The following RYR2 variants were observed in gnomAD, a reference collection of about 807,000 sequenced individuals.
RYR2 encodes the protein ryanodine receptor 2.
RYR2 carries 227 observed loss-of-function variants against 601.1 expected under a neutral mutation model. The observed-to-expected ratio is 0.38, with a 90% CI of 0.34 to 0.42. The LOEUF (loss-of-function observed/expected upper bound fraction) is 0.42, where lower values mean the gene tolerates loss of function less well. Ranked by LOEUF, RYR2 falls within the 10% of genes least tolerant of loss-of-function variation. The probability of loss-of-function intolerance (pLI) is 1.00; values close to 1 mark genes in which losing one functional copy is unlikely to be tolerated. For missense variants in RYR2, 4,646 were observed against 6,156.5 expected, an observed-to-expected ratio of 0.75 and a Z score of 8.21; for synonymous variants, 2,223 against 2,175.1, an observed-to-expected ratio of 1.02 and a Z score of -0.61.
intron 24 of RYR2, among the ~76,000 whole-genome samples, chr1:237,517,718 C>G (rs566178864): frequency 6.6e-6 from 1 of 152,088 alleles, no homozygotes; most frequent in African/African-American, 2.4e-5. Flanking sequence ...TTTTCTTATG[C>G]CCCCTGTTTC....
chr1:237,408,956 CT>C (rs899812021), intron 10 of RYR2, among the ~76,000 whole-genome samples: 11 of 151,890 alleles, frequency 7.2e-5, no homozygotes, highest in Non-Finnish European at 1.5e-5. Flanking sequence ...AATATTTTTA[CT>C]TTAAATACGT....
At chr1:237,110,856 C>T (rs2148585872) in intron 1 of RYR2, among the ~76,000 whole-genome samples, 1 of 152,286 alleles carries the variant, frequency 6.6e-6, no homozygotes, top group African/African-American at 2.4e-5. Flanking sequence ...TTCTGGGGGA[C>T]CAGCCACTTT....
At chr1:237,500,246 A>G (rs765557610) in intron 20 of RYR2, among the ~76,000 whole-genome samples, 7 of 152,222 alleles carry the variant, frequency 4.6e-5, no homozygotes, top group Non-Finnish European at 1.0e-4. Context: ...AGACTCTGTT[A>G]CTTGTAAAAC....
Position 237,454,448 on chromosome 1 carries a change from G to A in RYR2, c.1350G>A (p.Glu450=), listed in dbSNP as rs1343293420. Residue 450 remains glutamate, a synonymous_variant, in exon 15 of 105, where the codon GAG becomes GAA. Coordinates refer to ENST00000366574, the MANE Select transcript of RYR2 (RefSeq NM_001035.3). ...AKASTVDLPI[E]SVSLSLQDLI... is the part of the protein sequence containing the mutation. The stretch of plus-strand genomic sequence containing the variant: ...CTTCCACAGTCGATTTGCCTATAGA[G>A]TCCGTAAGCCTAAGTCTGCAGGATC... 11 of 1,613,564 alleles carry A rather than the reference G, an allele frequency of 6.8e-6. No homozygotes were observed. Among genetic ancestry groups the A allele is most frequent in the Non-Finnish European group, 9.3e-6 (11 of 1,179,650 alleles).
chr1:237,438,190 G>A (rs1431366089), intron 12 of RYR2, among the ~76,000 whole-genome samples: 4 of 151,864 alleles, frequency 2.6e-5, no homozygotes, highest in African/African-American at 9.7e-5. Flanking sequence ...TATTCATTAT[G>A]TATGTGTTTT....
At chr1:237,523,727 A>G (rs1667310321) in intron 24 of RYR2, among the ~76,000 whole-genome samples, 1 of 137,554 alleles carries the variant, frequency 7.3e-6, no homozygotes, top group Admixed American at 7.6e-5. Flanking sequence ...GCAGAGCAAG[A>G]TTCTGTCTCA....
intron 40 of RYR2, among the ~76,000 whole-genome samples, chr1:237,627,238 T>C (rs893070975): frequency 1.3e-5 from 2 of 152,226 alleles, no homozygotes; most frequent in Non-Finnish European, 2.9e-5. Context: ...GTGTATGTAG[T>C]AACTTTTCGC....
At chr1:237,754,964 T>C in intron 80 of RYR2, 1 of 572,308 alleles carries the variant, frequency 1.7e-6, no homozygotes, top group South Asian at 1.8e-5. Context: ...CTGCTTCCAT[T>C]TAGGCCTATC....
intron 84 of RYR2, among the ~76,000 whole-genome samples, chr1:237,762,477 T>C (rs897791455): frequency 6.6e-6 from 1 of 152,198 alleles, no homozygotes; most frequent in Admixed American, 6.5e-5. Context: ...AATTTCATTT[T>C]CCCCTGTAGT....
At chr1:237,285,260 GCTTTTTCTGCAT>G (rs1362772012) in intron 2 of RYR2, among the ~76,000 whole-genome samples, 7 of 152,216 alleles carry the variant, frequency 4.6e-5, no homozygotes, top group African/African-American at 1.7e-4. Flanking sequence ...TTTGTCGAAT[GCTTTTTCTGCAT>G]CTATTGAGAT....
chr1:237,768,682 G>T (rs1694035102), intron 84 of RYR2, among the ~76,000 whole-genome samples: 3 of 152,122 alleles, frequency 2.0e-5, no homozygotes, highest in Admixed American at 6.6e-5. Flanking sequence ...ATAGACTGCT[G>T]ATCCTGTACC....
At chr1:237,746,027 C>G (rs1692044923) in intron 80 of RYR2, among the ~76,000 whole-genome samples, 3 of 151,796 alleles carry the variant, frequency 2.0e-5, no homozygotes, top group Admixed American at 2.0e-4. Flanking sequence ...TGAAATATTA[C>G]AAAGCTGAGA....
chr1:237,329,073 T>C (rs1326399126), intron 2 of RYR2, among the ~76,000 whole-genome samples: 1 of 152,234 alleles, frequency 6.6e-6, no homozygotes, highest in East Asian at 1.9e-4. Flanking sequence ...ATCAGTTCTT[T>C]TTCATTATTT....
chr1:237,701,856 T>G (rs1687995629), intron 65 of RYR2, 122 bp from the exon 66 acceptor site: 3 of 573,042 alleles, frequency 5.2e-6, no homozygotes, highest in Non-Finnish European at 9.4e-6. Context: ...AAGACATGAT[T>G]TCATTCTTTT....
intron 10 of RYR2, among the ~76,000 whole-genome samples, chr1:237,415,452 A>G (rs575502523): frequency 6.6e-6 from 1 of 152,324 alleles, no homozygotes; most frequent in African/African-American, 2.4e-5. Flanking sequence ...GAAATAGACA[A>G]TTATGTACCC....
At chr1:237,826,675 T>A (rs1314122197) in intron 101 of RYR2, among the ~76,000 whole-genome samples, 1 of 152,188 alleles carries the variant, frequency 6.6e-6, no homozygotes, top group African/African-American at 2.4e-5. Flanking sequence ...GTACCCAGTC[T>A]AATACCTGAT....
At chr1:237,382,453 T>C (rs1323251395) in intron 8 of RYR2, among the ~76,000 whole-genome samples, 5 of 152,164 alleles carry the variant, frequency 3.3e-5, no homozygotes, top group South Asian at 2.1e-4. Flanking sequence ...TGTATACATG[T>C]GCCATGTTGG....
chr1:237,119,050 C>T (rs1274105114), intron 1 of RYR2, among the ~76,000 whole-genome samples: 2 of 152,018 alleles, frequency 1.3e-5, no homozygotes, highest in African/African-American at 2.4e-5. Flanking sequence ...AAGTTGAAGC[C>T]CTAACCCCCT....
At chr1:237,277,509 A>G (rs1021314772) in intron 2 of RYR2, among the ~76,000 whole-genome samples, 1 of 152,224 alleles carries the variant, frequency 6.6e-6, no homozygotes, top group African/African-American at 2.4e-5. Flanking sequence ...AAAAGCTGCT[A>G]TAGGAGTGGA....
Sources: gnomAD v4.1 joint callset for allele counts (sites outside exome capture counted in the v4.1 genomes callset) on GRCh38, gnomAD v4.1.1 for gene constraint, MANE v1.5 for transcripts, NCBI Gene and HGNC (gene_info 2026-07-23, HGNC 2026-07-21) for gene names.